The following TMEM132D variants were observed in gnomAD, a reference collection of about 807,000 sequenced individuals.
TMEM132D encodes mature OL transmembrane protein.
Under a neutral mutation model 62.3 loss-of-function variants are expected in TMEM132D, and 21 were observed. The observed-to-expected ratio is 0.34, with a 90% CI of 0.24 to 0.49. TMEM132D has a LOEUF of 0.49. Among genes scored for constraint, TMEM132D ranks in the 20% least tolerant of loss-of-function variants. TMEM132D has a pLI of 0.99. For synonymous variants in TMEM132D, 621 were observed against 575.6 expected (o/e 1.08, Z -1.13); for missense variants, 1,346 against 1,402.8 (o/e 0.96, Z 0.65).
rs2135620096 is a variant in TMEM132D at position 129,084,694 on chromosome 12, G to A, written c.1452C>T (p.Asp484=). 6.2e-7 allele frequency: 1 copy of A among 1,613,932 alleles called. No homozygotes were observed. The highest frequency in any genetic ancestry group is 8.5e-7 in the Non-Finnish European group (1 of 1,179,946). ...SSDEDVIKVS[D]RCDYVFVNGK... is the part of the protein sequence containing the mutation. ...CATTGACAAAGACGTAGTCACATCTGTCAGAAACCTGTGAAGAGGTGAGAG... is the reference window on the plus strand; with the variant it reads ...CATTGACAAAGACGTAGTCACATCTATCAGAAACCTGTGAAGAGGTGAGAG... The change falls in exon 6 of 9, where the codon GAC becomes GAT. Residue 484 remains aspartate, a synonymous_variant. Coordinates refer to ENST00000422113, the MANE Select transcript of TMEM132D (RefSeq NM_133448.3).
intron 3 of TMEM132D, among the ~76,000 whole-genome samples, chr12:129,525,226 GTTTTTTTTTTTTTTTTT>G (rs765569025): frequency 7.4e-5 from 5 of 67,398 alleles, no homozygotes; most frequent in South Asian, 6.5e-4. Flanking sequence ...TGCCCAGCCG[GTTTTTTTTTTTTTTTTT>G]TTTTTTTTTT....
At chr12:129,275,796 C>T (rs1346389605) in intron 4 of TMEM132D, among the ~76,000 whole-genome samples, 1 of 152,178 alleles carries the variant, frequency 6.6e-6, no homozygotes, top group Non-Finnish European at 1.5e-5. Flanking sequence ...AAATAAAGAA[C>T]GAGAGCAGGT....
chr12:129,273,247 G>A (rs1180191839), intron 4 of TMEM132D, among the ~76,000 whole-genome samples: 1 of 151,478 alleles, frequency 6.6e-6, no homozygotes, highest in African/African-American at 2.4e-5. Context: ...AATAATAGAC[G>A]CTGGTGAAGC....
At chr12:129,235,098 ATT>A (rs968741058) in intron 4 of TMEM132D, among the ~76,000 whole-genome samples, 1 of 152,184 alleles carries the variant, frequency 6.6e-6, no homozygotes, top group Non-Finnish European at 1.5e-5. Context: ...GGACTACTAT[ATT>A]GAGTTTTTTC....
Position 129,125,499 on chromosome 12 carries a change from A to ATTTTTTTTTTTTTT in TMEM132D, c.1444-40798_1444-40797insAAAAAAAAAAAAAA, listed in dbSNP as rs1565972138. On this transcript the variant is annotated intron_variant, in intron 5 of 8. Transcript: ENST00000422113. ...GATGTGACGATGTCGAATTACTATG[A>ATTTTTTTTTTTTTT]GTTTTTTTTTTTTTTTTTTTTTTGA... is the stretch of plus-strand genomic sequence containing the variant. 1.6e-5 allele frequency among the ~76,000 whole-genome samples: 2 copies of ATTTTTTTTTTTTTT among 127,834 alleles called. 1 individual carries two copies. The allele number at this position is 127,834 out of a possible 152,430, so 83.9% of individuals were successfully genotyped here.
chr12:129,643,105 A>G (rs909997065), intron 2 of TMEM132D, among the ~76,000 whole-genome samples: 1 of 151,878 alleles, frequency 6.6e-6, no homozygotes, highest in East Asian at 1.9e-4. Flanking sequence ...TCGTATTTTT[A>G]GTAGAGACGG....
At chr12:129,603,455 T>A (rs1593084601) in intron 2 of TMEM132D, among the ~76,000 whole-genome samples, 1 of 152,344 alleles carries the variant, frequency 6.6e-6, no homozygotes, top group Admixed American at 6.5e-5. Flanking sequence ...TTGTAAGTTT[T>A]CCTCCATGTC....
At chr12:129,788,963 A>G (rs964198386) in intron 1 of TMEM132D, among the ~76,000 whole-genome samples, 3 of 152,158 alleles carry the variant, frequency 2.0e-5, no homozygotes, top group African/African-American at 4.8e-5. Context: ...GATGTCAGAG[A>G]GAGGAACAGC....
chr12:129,635,150 G>A (rs1444965394), intron 2 of TMEM132D, among the ~76,000 whole-genome samples: 3 of 152,250 alleles, frequency 2.0e-5, no homozygotes, highest in Admixed American at 6.5e-5. Flanking sequence ...ACCTTCCCTC[G>A]CTGTCCCAGC....
intron 5 of TMEM132D, among the ~76,000 whole-genome samples, chr12:129,096,493 C>T (rs1875121513): frequency 6.6e-6 from 1 of 152,142 alleles, no homozygotes; most frequent in Non-Finnish European, 1.5e-5. Context: ...AGGGAGGAGC[C>T]CCACTTTGGT....
chr12:129,371,628 G>T lies in TMEM132D; in HGVS notation c.1116-33811C>A, dbSNP rs2135680987. Among the ~76,000 whole-genome samples, 1 of 152,014 alleles carries T rather than the reference G, an allele frequency of 6.6e-6. No homozygotes were observed. The highest frequency in any genetic ancestry group is 2.1e-4 in the South Asian group (1 of 4,790). ...AGATTGTGGTGATGATGATGGTGGT[G>T]ATGGTGATGGTGGTGGTGATGGTGA... On this transcript the variant is annotated intron_variant, in intron 3 of 8. Transcript: ENST00000422113. This position sits in a 1 kb window ranked among gnomAD's most constrained non-coding sequence, Gnocchi z 4.3.
intron 2 of TMEM132D, among the ~76,000 whole-genome samples, chr12:129,678,876 A>G (rs1880707618): frequency 6.6e-6 from 1 of 152,040 alleles, no homozygotes; most frequent in African/African-American, 2.4e-5. Context: ...TTTGAAAAAT[A>G]TATTTTTTCT....
At chr12:129,343,954 T>C (rs1274991465) in intron 3 of TMEM132D, among the ~76,000 whole-genome samples, 1 of 151,944 alleles carries the variant, frequency 6.6e-6, no homozygotes, top group Non-Finnish European at 1.5e-5. Context: ...TGAAGAAAGA[T>C]AATAATATTG....
intron 4 of TMEM132D, among the ~76,000 whole-genome samples, chr12:129,295,236 C>T (rs1422520703): frequency 6.6e-6 from 1 of 152,136 alleles, no homozygotes; most frequent in Non-Finnish European, 1.5e-5. Flanking sequence ...GCTGGCTAGA[C>T]ACTACGGAAC....
At chr12:129,660,742 C>T (rs889995331) in intron 2 of TMEM132D, among the ~76,000 whole-genome samples, 58 of 152,172 alleles carry the variant, frequency 3.8e-4, no homozygotes, top group African/African-American at 1.3e-3. Context: ...ATACTCCTGT[C>T]TTGTGGGGCT....
rs1881353539 is a variant in TMEM132D at position 129,700,275 on chromosome 12, A to G, written c.503T>C (p.Leu168Pro). ...GGTCTCTCGGAAAGCAAAGACCCTC[A>G]GGCACGGCAGCTTCTCCCCGGCGCT... ...DRSAGEKLPC[L>P]RVFAFRETRE... Residue 168 changes from leucine (L) to proline (P), a missense_variant, in exon 2 of 9, where the codon CTG becomes CCG. Coordinates refer to ENST00000422113, the MANE Select transcript of TMEM132D (RefSeq NM_133448.3). 1.2e-6 allele frequency: 2 copies of G among 1,613,414 alleles called. No homozygotes were observed. The highest frequency in any genetic ancestry group is 1.3e-5 in the African/African-American group (1 of 74,930).
At chr12:129,703,984 T>G (rs1473435608) in intron 1 of TMEM132D, among the ~76,000 whole-genome samples, 2 of 150,000 alleles carry the variant, frequency 1.3e-5, no homozygotes, top group Non-Finnish European at 3.0e-5. Context: ...TGCCATAGAC[T>G]GCAAGAATTA....
intron 5 of TMEM132D, among the ~76,000 whole-genome samples, chr12:129,202,608 A>G (rs1364954337): frequency 6.6e-6 from 1 of 152,148 alleles, no homozygotes; most frequent in African/African-American, 2.4e-5. Context: ...ATTGGCTCTG[A>G]CTGGATAATG....
intron 1 of TMEM132D, among the ~76,000 whole-genome samples, chr12:129,828,372 C>T (rs1035353822): frequency 1.7e-4 from 26 of 151,976 alleles, no homozygotes; most frequent in East Asian, 3.9e-4. Context: ...TTAAGCCAAA[C>T]AATCTTTGTG....
Sources: allele counts gnomAD v4.1 joint callset (sites outside exome capture counted in the v4.1 genomes callset), GRCh38; gene constraint gnomAD v4.1.1; non-coding constraint Gnocchi (gnomAD v3.1); transcripts MANE v1.5; gene names NCBI Gene and HGNC (gene_info 2026-07-23, HGNC 2026-07-21).